NDST1: variants seen among roughly 807,000 people sequenced by gnomAD.
NDST1 encodes the protein N-deacetylase and N-sulfotransferase 1.
A neutral mutation model predicts 92.8 loss-of-function variants in NDST1; 35 were observed. The observed-to-expected ratio is 0.38, with a 90% CI of 0.29 to 0.50. The LOEUF (loss-of-function observed/expected upper bound fraction) is 0.50. Among genes scored for constraint, NDST1 ranks in the 20% least tolerant of loss-of-function variants. The probability of loss-of-function intolerance (pLI) is 0.94; values close to 1 mark genes in which losing one functional copy is unlikely to be tolerated. For missense variants in NDST1, 822 were observed against 1,182.7 expected (o/e 0.69, Z 4.47); for synonymous variants, 493 against 500.3 (o/e 0.99, Z 0.19).
At chr5:150,504,080 A>C (rs2151238859), upstream of NDST1, among the ~76,000 whole-genome samples, 1 of 152,188 alleles carries the variant, frequency 6.6e-6, no homozygotes, top group East Asian at 1.9e-4. Flanking sequence ...CAATGGGTGG[A>C]ATGTGGCCCC....
chr5:150,508,708 T>C (rs1398088712), intron 1 of NDST1, among the ~76,000 whole-genome samples: 6 of 152,154 alleles, frequency 3.9e-5, no homozygotes, highest in Non-Finnish European at 8.8e-5. Flanking sequence ...AGCCATGGCT[T>C]GTCAAAGCCA....
At chr5:150,539,164 A>G in intron 6 of NDST1, 64 bp from the exon 7 acceptor site, 1 of 1,302,278 alleles carries the variant, frequency 7.7e-7, no homozygotes, top group Non-Finnish European at 1.1e-6. Flanking sequence ...CCTCTGAGGA[A>G]GAGTCCTCCC....
chr5:150,542,985 T>G lies in NDST1; in HGVS notation c.1970+14T>G. 1 of 1,613,798 alleles carries G rather than the reference T, an allele frequency of 6.2e-7. No homozygotes were observed. Among genetic ancestry groups the G allele is most frequent in the Non-Finnish European group, 8.5e-7 (1 of 1,179,722 alleles). ...AGGCATCGACTGGTGAGTTGGCCTT[T>G]CTGTCCACAGCGGGACGGGAAGGCC... On this transcript the variant is annotated intron_variant, in intron 10 of 14. Transcript: ENST00000261797.
intron 3 of NDST1, among the ~76,000 whole-genome samples, chr5:150,532,208 G>A (rs1295895995): frequency 6.6e-6 from 1 of 152,144 alleles, no homozygotes; most frequent in African/African-American, 2.4e-5. Flanking sequence ...CTGGGCTCAA[G>A]CAATCCTCCT....
chr5:150,520,396 A>G (rs1411983410), intron 1 of NDST1, among the ~76,000 whole-genome samples: 1 of 151,994 alleles, frequency 6.6e-6, no homozygotes, highest in East Asian at 1.9e-4. Context: ...GGCTCATTCA[A>G]AGAGAGCAAC....
intron 2 of NDST1, among the ~76,000 whole-genome samples, chr5:150,523,685 G>A (rs1754342923): frequency 6.6e-6 from 1 of 152,248 alleles, no homozygotes. Flanking sequence ...AGCTCCCACA[G>A]TCTTTGGGGA....
At chr5:150,524,386 T>C (rs1754375967) in intron 2 of NDST1, among the ~76,000 whole-genome samples, 1 of 152,240 alleles carries the variant, frequency 6.6e-6, no homozygotes, top group African/African-American at 2.4e-5. Context: ...TGTGAGATCC[T>C]GGAGGGTGGT....
chr5:150,554,335 T>TTATATATATATATATATATATATAATG lies in NDST1; in HGVS notation c.*1005_*1031dup, dbSNP rs1755826683. 7.2e-6 allele frequency: 1 copy of TTATATATATATATATATATATATAATG among 138,166 alleles called. No individual in the cohort carries two copies. Among genetic ancestry groups the TTATATATATATATATATATATATAATG allele is most frequent in the African/African-American group, 2.8e-5 (1 of 35,858 alleles). The allele number at this position is 138,166 out of a possible 1,614,324, so 8.6% of individuals were successfully genotyped here. On this transcript the variant is annotated 3_prime_UTR_variant, in exon 15 of 15. Coordinates refer to ENST00000261797, the MANE Select transcript of NDST1 (RefSeq NM_001543.5). ...CCCTGGGTGCTGGGGTCGCACTGTG[T>TTATATATATATATATATATATATAATG]TATATATATATATATATATATATAA...
chr5:150,502,731 T>A (rs1310320062), intron 1 of NDST1, among the ~76,000 whole-genome samples: 1 of 152,000 alleles, frequency 6.6e-6, no homozygotes, highest in Non-Finnish European at 1.5e-5. Flanking sequence ...TTCTGAAGCC[T>A]CATTGTCACT....
At chr5:150,547,874 G>A (rs753508920) in intron 11 of NDST1, among the ~76,000 whole-genome samples, 31 of 152,240 alleles carry the variant, frequency 2.0e-4, no homozygotes, top group Admixed American at 1.9e-3. Context: ...TAGTAGAGAC[G>A]GGGTTTCGCC....
chr5:150,547,371 G>A (rs1369529312), intron 11 of NDST1, among the ~76,000 whole-genome samples: 5 of 152,144 alleles, frequency 3.3e-5, no homozygotes, highest in Non-Finnish European at 5.9e-5. Context: ...CCCAGCCCTG[G>A]GCTGTGTGTG....
intron 11 of NDST1, among the ~76,000 whole-genome samples, chr5:150,547,614 A>G (rs980006169): frequency 2.0e-5 from 3 of 152,204 alleles, no homozygotes; most frequent in African/African-American, 7.2e-5. Context: ...TAACACTGTC[A>G]ACCTCTGCTT....
chr5:150,553,781 T>C lies in NDST1; in HGVS notation c.*449T>C. 4.7e-6 allele frequency: 2 copies of C among 427,032 alleles called. No homozygotes were observed. Among genetic ancestry groups the C allele is most frequent in the Non-Finnish European group, 8.6e-6 (2 of 232,716 alleles). The allele number at this position is 427,032 out of a possible 1,614,324, so 26.5% of individuals were successfully genotyped here. ...GGGGGAGACAGACTGGACATTTCCC[T>C]GTTTCGAGCCAGGCTCTTCCAAGGG... On this transcript the variant is annotated 3_prime_UTR_variant, in exon 15 of 15. Transcript: ENST00000261797. This position sits in a 1 kb window ranked among gnomAD's most constrained non-coding sequence, Gnocchi z 4.2.
At chr5:150,515,641 G>A (rs1051358294) in intron 1 of NDST1, among the ~76,000 whole-genome samples, 9 of 152,198 alleles carry the variant, frequency 5.9e-5, no homozygotes, top group African/African-American at 9.6e-5. Flanking sequence ...ATGCTTCCCC[G>A]AGATTGGTGA....
In NDST1 at chr5:150,541,571, A is replaced by G; in HGVS notation, c.1751A>G (p.Asp584Gly). 1 of 1,613,936 alleles carries G rather than the reference A, an allele frequency of 6.2e-7. No individual in the cohort carries two copies. Among genetic ancestry groups the G allele is most frequent in the Non-Finnish European group, 8.5e-7 (1 of 1,179,972 alleles). ...FSEEKDPLWQ[D>G]PCEDKRHKDI... ...ACATCCCTTCCACTGTTGTTTTAGG[A>G]CCCCTGCGAGGACAAACGTCACAAA... Residue 584 changes from aspartate to glycine, a missense_variant and splice_region_variant, in exon 9 of 15, where the codon GAC becomes GGC. Physicochemically the swap from Asp to Gly is moderately conservative, Grantham distance 94. Coordinates refer to ENST00000261797, the MANE Select transcript of NDST1 (RefSeq NM_001543.5).
rs747276069 is a variant in NDST1 at position 150,527,882 on chromosome 5, T to G, written c.592T>G (p.Cys198Gly). 6.2e-7 allele frequency: 1 copy of G among 1,614,130 alleles called. No individual in the cohort carries two copies. Among genetic ancestry groups the G allele is most frequent in the Non-Finnish European group, 8.5e-7 (1 of 1,180,006 alleles). Residue 198 changes from cysteine (C) to glycine (G), a missense_variant, in exon 3 of 15, where the codon TGC (cysteine) becomes GGC (glycine). Physicochemically the swap from Cys to Gly is radical, Grantham distance 159 (BLOSUM62 -3). Transcript: ENST00000261797. ...FLHSNLGLKDCSINPKSPLLY... is the reference protein window; with the variant it reads ...FLHSNLGLKDGSINPKSPLLY... Reference sequence around the variant, plus strand: ...GCACTCAAACCTGGGCCTGAAGGACTGCAGCATCAACCCCAAGTCCCCGCT... The same window carrying G: ...GCACTCAAACCTGGGCCTGAAGGACGGCAGCATCAACCCCAAGTCCCCGCT...
intron 10 of NDST1, among the ~76,000 whole-genome samples, chr5:150,543,283 C>G (rs1755328791): frequency 6.6e-6 from 1 of 152,198 alleles, no homozygotes; most frequent in Non-Finnish European, 1.5e-5. Flanking sequence ...GCCCAGGGTC[C>G]CAAGGTCGGA....
chr5:150,544,097 A>G (rs1187111356), intron 10 of NDST1, among the ~76,000 whole-genome samples: 1 of 151,954 alleles, frequency 6.6e-6, no homozygotes, highest in Non-Finnish European at 1.5e-5. Context: ...CATTTCTAAC[A>G]TCTCCACAGT....
chr5:150,498,641 A>G (rs1203849849), intron 1 of NDST1, among the ~76,000 whole-genome samples: 1 of 152,166 alleles, frequency 6.6e-6, no homozygotes, highest in Non-Finnish European at 1.5e-5. Flanking sequence ...CAGGCAGGGC[A>G]CGATTCTCAA....
Sources: allele counts gnomAD v4.1 joint callset (sites outside exome capture counted in the v4.1 genomes callset), GRCh38; gene constraint gnomAD v4.1.1; non-coding constraint Gnocchi (gnomAD v3.1); transcripts MANE v1.5; gene names NCBI Gene and HGNC (gene_info 2026-07-23, HGNC 2026-07-21).